Variants in HELQ observed in about 807,000 individuals in gnomAD.
HELQ encodes the protein helicase POLQ-like.
HELQ carries 77 observed loss-of-function variants against 111.6 expected under a neutral mutation model. The ratio of observed to expected loss-of-function variants is 0.69; its 90% CI spans 0.57 to 0.83. The LOEUF (loss-of-function observed/expected upper bound fraction) is 0.83. HELQ is among the 40% of genes least tolerant of loss of function. HELQ has a pLI of 0.00. For synonymous variants in HELQ, 438 were observed against 454.7 expected (o/e 0.96, Z 0.47); for missense variants, 1,200 against 1,288.5 (o/e 0.93, Z 1.05).
intron 8 of HELQ, among the ~76,000 whole-genome samples, chr4:83,438,033 T>C (rs1370237970): frequency 6.6e-6 from 1 of 152,224 alleles, no homozygotes; most frequent in Non-Finnish European, 1.5e-5. Context: ...GCTTTTATAA[T>C]CAAAATCATT....
intron 14 of HELQ, among the ~76,000 whole-genome samples, chr4:83,423,400 T>C (rs1719649260): frequency 6.6e-6 from 1 of 152,228 alleles, no homozygotes; most frequent in African/African-American, 2.4e-5. Context: ...TTCTGCATGT[T>C]GATACTGGAT....
intron 15 of HELQ, among the ~76,000 whole-genome samples, chr4:83,420,503 G>C (rs1208305197): frequency 7.0e-6 from 1 of 143,320 alleles, no homozygotes; most frequent in African/African-American, 2.5e-5. Context: ...TTAAAAAATT[G>C]GTTGGGCGCT....
chr4:83,414,031 C>T (rs1222149223), intron 17 of HELQ, among the ~76,000 whole-genome samples: 2 of 152,132 alleles, frequency 1.3e-5, no homozygotes, highest in African/African-American at 4.8e-5. Context: ...TGTTTTAAGC[C>T]ACTAAATTTT....
intron 9 of HELQ, among the ~76,000 whole-genome samples, chr4:83,433,613 C>T (rs977527816): frequency 7.4e-6 from 1 of 134,816 alleles, no homozygotes; most frequent in Admixed American, 8.5e-5. Context: ...TTGCAGTGAG[C>T]GGAGATTGCG....
rs1184256209 is a variant in HELQ, at chr4:83,453,360, G to C, written c.883C>G (p.Leu295Val). 6.2e-7 allele frequency: 1 copy of C among 1,612,562 alleles called. No individual in the cohort carries two copies. The highest frequency in any genetic ancestry group is 1.1e-5 in the South Asian group (1 of 90,544). Residue 295 changes from leucine to valine, a missense_variant, in exon 2 of 18, where the codon CTA becomes GTA. Coordinates refer to ENST00000295488, the MANE Select transcript of HELQ (RefSeq NM_133636.5). ...SRSKQLKDTL[L>V]SEEINVAKKT... ...TTAGCAACATTAATTTCCTCAGATA[G>C]GAGAGTGTCTTTGAGCTGTTTACTT...
At chr4:83,426,136 G>T in intron 13 of HELQ, 44 bp from the exon 14 acceptor site, 1 of 1,007,966 alleles carries the variant, frequency 9.9e-7, no homozygotes, top group Non-Finnish European at 1.6e-6. Context: ...CAAAAAATCT[G>T]TCATGTGAAC....
chr4:83,414,991 T>G (rs1739287108), intron 17 of HELQ, among the ~76,000 whole-genome samples: 1 of 152,206 alleles, frequency 6.6e-6, no homozygotes, highest in Non-Finnish European at 1.5e-5. Flanking sequence ...CCTCATAGGT[T>G]TGTTGTAAAG....
Position 83,449,990 on chromosome 4 carries a change from T to C in HELQ, c.1013-1029A>G, listed in dbSNP as rs72931468. Among the ~76,000 whole-genome samples, 1,372 of 151,594 alleles carry C rather than the reference T, an allele frequency of 9.1e-3. 18 individuals carry two copies. Among genetic ancestry groups the C allele is most frequent in the African/African-American group, 0.031 (1,292 of 41,452 alleles). ...AGAATCCTTGTGGAAAGTAACCTAG[T>C]ATAAAATAGAACTGCACATTGCCTT... is the stretch of plus-strand genomic sequence containing the variant. On this transcript the variant is annotated intron_variant, in intron 2 of 17. Coordinates refer to ENST00000295488, the MANE Select transcript of HELQ (RefSeq NM_133636.5).
intron 17 of HELQ, among the ~76,000 whole-genome samples, 184 bp from the exon 18 acceptor site, chr4:83,407,744 T>C (rs916750970): frequency 6.6e-6 from 1 of 152,214 alleles, no homozygotes; most frequent in African/African-American, 2.4e-5. Context: ...ATGAGGCATT[T>C]AGTTAAAACC....
chr4:83,449,280 G>A (rs557067483), intron 2 of HELQ, among the ~76,000 whole-genome samples: 1 of 152,274 alleles, frequency 6.6e-6, no homozygotes, highest in African/African-American at 2.4e-5. Flanking sequence ...AGGAACAAAG[G>A]GACAGTACAA....
intron 13 of HELQ, 140 bp from the exon 14 acceptor site, chr4:83,426,232 T>G (rs1287628535): frequency 5.1e-6 from 3 of 589,870 alleles, no homozygotes; most frequent in Non-Finnish European, 6.1e-6. Context: ...GTTGCAGGTT[T>G]TAAAGTTACA....
intron 17 of HELQ, among the ~76,000 whole-genome samples, chr4:83,409,053 G>T (rs1738949323): frequency 6.6e-6 from 1 of 152,060 alleles, no homozygotes; most frequent in Non-Finnish European, 1.5e-5. Flanking sequence ...TTACAATCTT[G>T]TAGGGCAAAA....
chr4:83,437,603 TAAAAAAAAAAAA>T (rs11337269), intron 8 of HELQ, among the ~76,000 whole-genome samples: 1 of 97,910 alleles, frequency 1.0e-5, no homozygotes, highest in African/African-American at 3.5e-5. Flanking sequence ...AAGCCTTGTC[TAAAAAAAAAAAA>T]AAAAAAAAGG....
chr4:83,418,977 T>C (rs150362351), intron 15 of HELQ, among the ~76,000 whole-genome samples: 4 of 152,336 alleles, frequency 2.6e-5, no homozygotes, highest in African/African-American at 9.6e-5. Flanking sequence ...TTTCTGTAAC[T>C]TGTAGTTAAA....
In HELQ at chr4:83,435,607, G is replaced by A. The variant is rs980030733; in HGVS notation, c.2048+1251C>T. On this transcript the variant is annotated intron_variant, in intron 9 of 17. Coordinates refer to ENST00000295488, the MANE Select transcript of HELQ (RefSeq NM_133636.5). The stretch of plus-strand genomic sequence containing the variant: ...AAAAAAATCAGAGAAGAAAGATGTG[G>A]GATATAAGAGGCAGTGGTAAGCAAA... Among the ~76,000 whole-genome samples the A allele has an allele frequency of 3.3e-5, 5 of 151,964 alleles. No individual in the cohort carries two copies. In the East Asian group the frequency reaches 9.6e-4, roughly 29 times the overall value.
intron 4 of HELQ, among the ~76,000 whole-genome samples, chr4:83,446,431 C>T (rs1428258314): frequency 3.9e-5 from 6 of 152,086 alleles, no homozygotes; most frequent in African/African-American, 7.2e-5. Context: ...CTCAGCCTCC[C>T]GAGTGGCTGG....
At chr4:83,408,931 G>A (rs1738940838) in intron 17 of HELQ, among the ~76,000 whole-genome samples, 1 of 152,140 alleles carries the variant, frequency 6.6e-6, no homozygotes, top group Admixed American at 6.5e-5. Flanking sequence ...ATGCATGTGG[G>A]ACTCTAGGAG....
chr4:83,426,847 T>G (rs751180980), intron 13 of HELQ, among the ~76,000 whole-genome samples: 19 of 152,330 alleles, frequency 1.2e-4, no homozygotes, highest in Non-Finnish European at 2.1e-4. Context: ...ATTACAGGCA[T>G]GAGCCACCAC....
chr4:83,424,331 A>G (rs192105902), intron 14 of HELQ, among the ~76,000 whole-genome samples: 2 of 152,314 alleles, frequency 1.3e-5, no homozygotes, highest in African/African-American at 2.4e-5. Context: ...AAATATTTTT[A>G]TTCAGCATTT....
Sources: gnomAD v4.1 joint callset for allele counts (sites outside exome capture counted in the v4.1 genomes callset) on GRCh38, gnomAD v4.1.1 for gene constraint, MANE v1.5 for transcripts, NCBI Gene and HGNC (gene_info 2026-07-23, HGNC 2026-07-21) for gene names.